Variants in EFCAB11 observed in about 807,000 individuals in gnomAD.
The protein encoded by EFCAB11 is EF-hand calcium binding domain 11.
EFCAB11 carries 14 observed loss-of-function variants against 23.0 expected under a neutral mutation model. The ratio of observed to expected loss-of-function variants is 0.61; its 90% confidence interval spans 0.40 to 0.95. EFCAB11 has a LOEUF of 0.95. Ranked by LOEUF, EFCAB11 falls within the 40% of genes least tolerant of loss-of-function variation. EFCAB11 has a pLI of 0.00. For synonymous variants in EFCAB11, 65 were observed against 66.6 expected (o/e 0.98, Z 0.11); for missense variants, 198 against 195.8 (o/e 1.01, Z -0.07).
chr14:89,942,702 C>T (rs1476831463), intron 3 of EFCAB11, among the ~76,000 whole-genome samples: 1 of 152,106 alleles, frequency 6.6e-6, no homozygotes, highest in Non-Finnish European at 1.5e-5. Context: ...ACAGTTTTTG[C>T]TTATATTCAC....
chr14:89,917,969 C>T (rs563342468), intron 5 of EFCAB11, among the ~76,000 whole-genome samples: 5 of 152,198 alleles, frequency 3.3e-5, no homozygotes, highest in East Asian at 1.9e-4. Flanking sequence ...GAGCGAGAAT[C>T]GAGGACTGGC....
At chr14:89,921,572 C>A (rs1158465627) in intron 5 of EFCAB11, among the ~76,000 whole-genome samples, 1 of 152,182 alleles carries the variant, frequency 6.6e-6, no homozygotes, top group Non-Finnish European at 1.5e-5. Flanking sequence ...AATAAGCTCC[C>A]TGATGCTGAT....
intron 5 of EFCAB11, among the ~76,000 whole-genome samples, chr14:89,890,867 A>G (rs1182721831): frequency 2.0e-5 from 3 of 152,228 alleles, no homozygotes; most frequent in Admixed American, 1.3e-4. Flanking sequence ...AATTTGGATC[A>G]TCTCACAGGA....
At chr14:89,919,225 AG>A (rs1326628229) in intron 5 of EFCAB11, among the ~76,000 whole-genome samples, 15 of 151,666 alleles carry the variant, frequency 9.9e-5, no homozygotes, top group African/African-American at 3.6e-4. Context: ...AGAGAGAGAG[AG>A]AAACACTAAT....
intron 3 of EFCAB11, among the ~76,000 whole-genome samples, chr14:89,938,485 G>A (rs1180884680): frequency 6.6e-6 from 1 of 152,180 alleles, no homozygotes; most frequent in Non-Finnish European, 1.5e-5. Flanking sequence ...TTCAAAAATA[G>A]TGAGTTGTCA....
chr14:89,859,952 GA>G (rs1887870689), intron 5 of EFCAB11, among the ~76,000 whole-genome samples: 1 of 152,154 alleles, frequency 6.6e-6, no homozygotes, highest in Admixed American at 6.5e-5. Context: ...CTTCATTGCT[GA>G]GGAACTCTAG....
chr14:89,829,192 T>A (rs1886806839), intron 5 of EFCAB11, among the ~76,000 whole-genome samples: 1 of 152,192 alleles, frequency 6.6e-6, no homozygotes, highest in South Asian at 2.1e-4. Flanking sequence ...GTTCTGACGG[T>A]GCAGGAAATA....
intron 5 of EFCAB11, chr14:89,892,342 C>A: frequency 6.2e-7 from 1 of 1,613,724 alleles, no homozygotes; most frequent in Middle Eastern, 1.7e-4. Context: ...AGCAGGGGGA[C>A]ATCAAGCTAG....
chr14:89,826,883 C>T (rs942845196), intron 5 of EFCAB11, among the ~76,000 whole-genome samples: 1 of 152,072 alleles, frequency 6.6e-6, no homozygotes, highest in South Asian at 2.1e-4. Flanking sequence ...CATGATGCCA[C>T]GGCATGACCC....
intron 3 of EFCAB11, among the ~76,000 whole-genome samples, chr14:89,947,500 T>C (rs1469468759): frequency 6.6e-6 from 1 of 152,204 alleles, no homozygotes; most frequent in African/African-American, 2.4e-5. Context: ...TTTCCACTTA[T>C]CTTCAACCCA....
chr14:89,890,833 G>A (rs916585838), intron 5 of EFCAB11, among the ~76,000 whole-genome samples: 1 of 152,226 alleles, frequency 6.6e-6, no homozygotes, highest in Non-Finnish European at 1.5e-5. Flanking sequence ...GACGAGGCCA[G>A]AAGTGAAGAT....
At chr14:89,884,966 A>C (rs541019459) in intron 5 of EFCAB11, among the ~76,000 whole-genome samples, 1 of 152,314 alleles carries the variant, frequency 6.6e-6, no homozygotes, top group Admixed American at 6.5e-5. Flanking sequence ...CCTCACCAGA[A>C]CCAGACCATG....
chr14:89,883,103 C>T (rs1013509286), intron 5 of EFCAB11, among the ~76,000 whole-genome samples: 6 of 152,136 alleles, frequency 3.9e-5, no homozygotes, highest in Non-Finnish European at 8.8e-5. Context: ...ATGCAAAACG[C>T]CCAATCTTGA....
In EFCAB11 at chr14:89,804,869, T is replaced by G. The variant is rs184871274; in HGVS notation, c.411-7545A>C. Reference sequence around the variant, plus strand: ...AACACTGCAGCAGTCTTCTTTTTACTGTCTAATATACATGTCTTATTAATA... The same window carrying G: ...AACACTGCAGCAGTCTTCTTTTTACGGTCTAATATACATGTCTTATTAATA... On this transcript the variant is annotated intron_variant, in intron 5 of 5. Transcript: ENST00000316738. 2.4e-3 allele frequency among the ~76,000 whole-genome samples: 361 copies of G among 152,336 alleles called. 2 individuals carry two copies. The highest frequency in any genetic ancestry group is 8.3e-3 in the African/African-American group (345 of 41,580).
intron 5 of EFCAB11, among the ~76,000 whole-genome samples, chr14:89,845,038 T>TA (rs1487221603): frequency 6.6e-6 from 1 of 152,220 alleles, no homozygotes; most frequent in African/African-American, 2.4e-5. Context: ...ACATTAAAAG[T>TA]AAAAAAATCT....
At chr14:89,874,082 G>C (rs1235245669) in intron 5 of EFCAB11, among the ~76,000 whole-genome samples, 3 of 152,170 alleles carry the variant, frequency 2.0e-5, no homozygotes, top group African/African-American at 7.2e-5. Flanking sequence ...GGATATCCAG[G>C]TGTTTCCATA....
In EFCAB11 at chr14:89,891,184, A is replaced by G. The variant is rs1251196164; in HGVS notation, c.410+40357T>C. ...GGACTTGTGGAATTCCTCATAAATT[A>G]TTTTTCAAGGTCGGTGAGCTCCAGA... is the stretch of plus-strand genomic sequence containing the variant. On this transcript the variant is annotated intron_variant, in intron 5 of 5. Transcript: ENST00000316738. 3.9e-5 allele frequency among the ~76,000 whole-genome samples: 6 copies of G among 152,178 alleles called. No individual in the cohort carries two copies. In the East Asian group the frequency reaches 1.2e-3, roughly 29 times the overall value.
intron 5 of EFCAB11, among the ~76,000 whole-genome samples, chr14:89,833,416 A>AAGATTTC (rs1886953728): frequency 1.3e-5 from 2 of 152,234 alleles, no homozygotes; most frequent in Non-Finnish European, 2.9e-5. Flanking sequence ...TATATTACAT[A>AAGATTTC]ATATCCACTC....
chr14:89,937,432 C>G (rs558571161), intron 3 of EFCAB11, among the ~76,000 whole-genome samples: 1 of 152,202 alleles, frequency 6.6e-6, no homozygotes, highest in African/African-American at 2.4e-5. Context: ...CCTTCTTGAC[C>G]CTGCAAGTCC....
Sources: allele counts gnomAD v4.1 joint callset (sites outside exome capture counted in the v4.1 genomes callset), GRCh38; gene constraint gnomAD v4.1.1; transcripts MANE v1.5; gene names NCBI Gene and HGNC (gene_info 2026-07-23, HGNC 2026-07-21).